The following LRRC27 variants were observed in gnomAD, a reference collection of about 807,000 sequenced individuals.
The protein encoded by LRRC27 is leucine rich repeat containing 27, also known as leucine-rich repeat-containing protein 27.
In LRRC27, 57 loss-of-function variants were observed where a neutral mutation model predicts 55.0. The ratio of observed to expected loss-of-function variants is 1.04; its 90% CI spans 0.84 to 1.29. The LOEUF (loss-of-function observed/expected upper bound fraction) is 1.29. Ranked by LOEUF, LRRC27 falls within the 50% of genes most tolerant of loss-of-function variation. The pLI, the probability that LRRC27 is intolerant of heterozygous loss-of-function variation, is 0.00. For missense variants in LRRC27, 721 were observed against 651.5 expected (o/e 1.11, Z -1.16); for synonymous variants, 278 against 251.9 (o/e 1.10, Z -0.98).
chr10:132,359,411 C>T (rs546413078), intron 8 of LRRC27, among the ~76,000 whole-genome samples: 5 of 152,330 alleles, frequency 3.3e-5, no homozygotes, highest in African/African-American at 4.8e-5. Flanking sequence ...AGCGGTTCCA[C>T]GCATTGGCCC....
rs1291956362 is a variant in LRRC27 at position 132,372,802 on chromosome 10, T to C, written c.1417-2264T>C. ...GGAGGGCTGGCCAGCTCCATGGCGC[T>C]GTCTGAGATATCAGCCAACCAAGAC... On this transcript the variant is annotated intron_variant, in intron 10 of 10. Coordinates refer to ENST00000368614, the MANE Select transcript of LRRC27 (RefSeq NM_030626.3). This position sits in a 1 kb window ranked among gnomAD's most constrained non-coding sequence, Gnocchi z 4.0. Among the ~76,000 whole-genome samples the C allele has an allele frequency of 1.3e-5, 2 of 152,114 alleles. No homozygotes were observed. Among genetic ancestry groups the C allele is most frequent in the Non-Finnish European group, 2.9e-5 (2 of 68,008 alleles).
intron 3 of LRRC27, among the ~76,000 whole-genome samples, chr10:132,339,908 A>G (rs2067322579): frequency 6.6e-6 from 1 of 152,230 alleles, no homozygotes; most frequent in Non-Finnish European, 1.5e-5. Context: ...TTGGAGGTAT[A>G]CTTTTATTTG....
rs2069323837 is a variant in LRRC27 at position 132,375,403 on chromosome 10, C to T, written c.*161C>T. On this transcript the variant is annotated 3_prime_UTR_variant, in exon 11 of 11. Transcript: ENST00000368614. ...TTGTTTTCCTTAGACAGGTCCACGTCCCTCTCCTGAGGCTGTGGAAGATTT... is the reference window on the plus strand; with the variant it reads ...TTGTTTTCCTTAGACAGGTCCACGTTCCTCTCCTGAGGCTGTGGAAGATTT... The T allele has an allele frequency of 3.3e-6, 2 of 604,884 alleles. No homozygotes were observed. Among genetic ancestry groups the T allele is most frequent in the African/African-American group, 3.7e-5 (2 of 53,432 alleles). The allele number at this position is 604,884 out of a possible 1,614,324, so 37.5% of individuals were successfully genotyped here.
At chr10:132,336,707 C>T in intron 2 of LRRC27, 1 of 722,708 alleles carries the variant, frequency 1.4e-6, no homozygotes, top group African/African-American at 1.7e-5. Context: ...CAAGGTCACA[C>T]AGCCAATAGA....
chr10:132,373,685 A>G (rs1018042327), intron 10 of LRRC27, among the ~76,000 whole-genome samples: 2 of 152,204 alleles, frequency 1.3e-5, no homozygotes, highest in Admixed American at 1.3e-4. Context: ...ACAAGGGAGT[A>G]GATGCTGAGA....
intron 6 of LRRC27, among the ~76,000 whole-genome samples, chr10:132,349,803 G>A (rs939069879): frequency 1.5e-4 from 23 of 152,318 alleles, no homozygotes; most frequent in African/African-American, 5.3e-4. Context: ...CCATGGTTGG[G>A]TGGGCCCTGA....
chr10:132,350,920 C>G (rs979472722), intron 6 of LRRC27: 10 of 152,274 alleles, frequency 6.6e-5, no homozygotes, highest in Non-Finnish European at 1.2e-4. Context: ...GGTGTTTTCA[C>G]TGGGAGGAAA....
At chr10:132,355,604 C>G (rs556877188) in intron 7 of LRRC27, among the ~76,000 whole-genome samples, 186 bp from the exon 8 acceptor site, 8 of 152,332 alleles carry the variant, frequency 5.3e-5, no homozygotes, top group Non-Finnish European at 1.2e-4. Context: ...CCGGCATTCC[C>G]GGCTCTGCCC....
intron 7 of LRRC27, among the ~76,000 whole-genome samples, chr10:132,354,445 C>G (rs1273179191): frequency 6.6e-6 from 1 of 152,176 alleles, no homozygotes; most frequent in African/African-American, 2.4e-5. Context: ...GCAGCGGGGC[C>G]AGCACCACAC....
chr10:132,346,774 A>C (rs1046043085), intron 5 of LRRC27, among the ~76,000 whole-genome samples: 1 of 152,216 alleles, frequency 6.6e-6, no homozygotes, highest in Non-Finnish European at 1.5e-5. Context: ...AGTTGTCCAC[A>C]GGCAGATTGG....
At chr10:132,331,606 C>A, upstream of LRRC27, 1 of 1,612,884 alleles carries the variant, frequency 6.2e-7, no homozygotes, top group East Asian at 2.2e-5. Context: ...GGGGAGTGAG[C>A]CCAGCGGGAA....
intron 8 of LRRC27, 81 bp downstream of exon 8, chr10:132,355,967 A>C: frequency 1.0e-6 from 1 of 980,506 alleles, no homozygotes; most frequent in Non-Finnish European, 1.6e-6. Flanking sequence ...CTGTCCATGG[A>C]GGATGAGCCG....
chr10:132,366,644 C>T, intron 10 of LRRC27: 1 of 185,342 alleles, frequency 5.4e-6, no homozygotes, highest in Non-Finnish European at 1.1e-5. Flanking sequence ...TCCTCTCAAG[C>T]TACCCAAGGC....
At chr10:132,356,019 C>T in intron 8 of LRRC27, 133 bp downstream of exon 8, 1 of 642,326 alleles carries the variant, frequency 1.6e-6, no homozygotes. Flanking sequence ...CATCCCTGTC[C>T]ATGGAGGATG....
At position 132,381,023 on chromosome 10, in the gene LRRC27, T is replaced by C. The variant is rs530572022; in HGVS notation, c.*5781T>C. ...GGTATAGGATTGCTGTGTGTGATGG[T>C]TCATATTAAATGTCAACTTGATTAG... On this transcript the variant is annotated 3_prime_UTR_variant, in exon 11 of 11. Transcript: ENST00000368614. Among the ~76,000 whole-genome samples the C allele has an allele frequency of 6.6e-5, 10 of 152,352 alleles. No homozygotes were observed. The highest frequency in any genetic ancestry group is 2.0e-4 in the Admixed American group (3 of 15,294).
In LRRC27 at chr10:132,344,520, A is replaced by C. The variant is rs1181972921; in HGVS notation, c.423A>C (p.Ala141=). Residue 141 remains alanine (A), a synonymous_variant, in exon 5 of 11, where the codon GCA becomes GCC. Coordinates refer to ENST00000368614, the MANE Select transcript of LRRC27 (RefSeq NM_030626.3). ...VELGSVTTLK[A]LNLRHCPLEF... ...CAGGGAGCGTAACCACGCTGAAAGC[A>C]CTGAACCTAAGACACTGCCCTCTGG... 1 of 1,613,850 alleles carries C rather than the reference A, an allele frequency of 6.2e-7. No individual in the cohort carries two copies. The highest frequency in any genetic ancestry group is 2.2e-5 in the East Asian group (1 of 44,892).
intron 6 of LRRC27, chr10:132,350,285 G>A (rs1027460758): frequency 6.6e-6 from 1 of 152,284 alleles, no homozygotes; most frequent in Non-Finnish European, 1.5e-5. Flanking sequence ...TGGAGCTGGA[G>A]TACGACGGAG....
intron 2 of LRRC27, chr10:132,336,638 C>T: frequency 3.1e-6 from 2 of 646,232 alleles, no homozygotes; most frequent in African/African-American, 1.9e-5. Flanking sequence ...AGTGCTTGCC[C>T]ACATTGCCCC....
intron 2 of LRRC27, chr10:132,337,140 C>G: frequency 8.3e-6 from 10 of 1,200,156 alleles, no homozygotes; most frequent in South Asian, 2.0e-5. Flanking sequence ...CTGAGTCCCC[C>G]AGACCAGACA....
Sources: allele counts gnomAD v4.1 joint callset (sites outside exome capture counted in the v4.1 genomes callset), GRCh38; gene constraint gnomAD v4.1.1; non-coding constraint Gnocchi (gnomAD v3.1); transcripts MANE v1.5; gene names NCBI Gene and HGNC (gene_info 2026-07-23, HGNC 2026-07-21).